The following DLG2 variants were observed in gnomAD, a reference collection of about 807,000 sequenced individuals.
The protein encoded by DLG2 is discs large MAGUK scaffold protein 2.
Under a neutral mutation model 132.5 loss-of-function variants are expected in DLG2, and 45 were observed. That is an observed-to-expected ratio of 0.34 (90% confidence interval 0.27 to 0.44). The LOEUF is 0.44. DLG2 is among the 20% of genes least tolerant of loss of function. The probability of loss-of-function intolerance (pLI) is 1.00; values close to 1 mark genes in which losing one functional copy is unlikely to be tolerated. For missense variants in DLG2, 1,045 were observed against 1,196.9 expected (o/e 0.87, Z 1.87); for synonymous variants, 424 against 419.6 (o/e 1.01, Z -0.13).
At chr11:84,414,279 A>G (rs923531387) in intron 7 of DLG2, among the ~76,000 whole-genome samples, 5 of 152,194 alleles carry the variant, frequency 3.3e-5, no homozygotes, top group African/African-American at 1.2e-4. Context: ...AATCATTATT[A>G]TCAATAAAGT....
chr11:84,950,674 C>T (rs957609707), intron 6 of DLG2, among the ~76,000 whole-genome samples: 4 of 152,006 alleles, frequency 2.6e-5, no homozygotes, highest in Non-Finnish European at 4.4e-5. Flanking sequence ...TTTGCTCTTG[C>T]TCCTTTTCTC....
intron 6 of DLG2, among the ~76,000 whole-genome samples, chr11:84,919,329 A>T (rs1254416284): frequency 6.6e-6 from 1 of 152,192 alleles, no homozygotes; most frequent in Non-Finnish European, 1.5e-5. Context: ...AAGCTATGCA[A>T]TAAATGGGGA....
intron 6 of DLG2, among the ~76,000 whole-genome samples, chr11:84,752,812 T>C (rs1179737477): frequency 1.4e-5 from 2 of 143,898 alleles, no homozygotes; most frequent in Admixed American, 7.3e-5. Context: ...AGTGAGAATA[T>C]GCGGTGTTTG....
chr11:84,136,032 C>G (rs1216789823), intron 9 of DLG2, among the ~76,000 whole-genome samples: 1 of 152,008 alleles, frequency 6.6e-6, no homozygotes, highest in African/African-American at 2.4e-5. Flanking sequence ...TAGACGCAAA[C>G]AGTGAGGGTT....
At chr11:85,405,115 G>A (rs964917295) in intron 3 of DLG2, among the ~76,000 whole-genome samples, 2 of 151,928 alleles carry the variant, frequency 1.3e-5, no homozygotes, top group African/African-American at 2.4e-5. Context: ...TGAATACCCA[G>A]CAAGGCATGT....
intron 18 of DLG2, among the ~76,000 whole-genome samples, chr11:83,764,680 G>C (rs1268743850): frequency 6.6e-6 from 1 of 152,184 alleles, no homozygotes; most frequent in Non-Finnish European, 1.5e-5. Flanking sequence ...GATACACCAA[G>C]AGGTGAAGTG....
At chr11:85,312,930 G>A (rs917486858) in intron 3 of DLG2, among the ~76,000 whole-genome samples, 1 of 151,852 alleles carries the variant, frequency 6.6e-6, no homozygotes, top group African/African-American at 2.4e-5. Flanking sequence ...ACACTCTTTA[G>A]GAACTATGGC....
At chr11:84,318,663 G>T (rs10501557) in intron 7 of DLG2, among the ~76,000 whole-genome samples, 10,228 of 152,190 alleles carry the variant, frequency 0.067, 605 homozygotes, top group East Asian at 0.18. Flanking sequence ...GATCTTCTTT[G>T]TCCATGTATC....
At chr11:84,302,400 T>C (rs1277668626) in intron 7 of DLG2, among the ~76,000 whole-genome samples, 1 of 152,126 alleles carries the variant, frequency 6.6e-6, no homozygotes, top group Non-Finnish European at 1.5e-5. Context: ...GTTCACAATA[T>C]GATGTTAATT....
intron 3 of DLG2, among the ~76,000 whole-genome samples, chr11:85,365,721 G>C (rs1253694585): frequency 2.6e-5 from 4 of 152,144 alleles, no homozygotes; most frequent in Non-Finnish European, 4.4e-5. Context: ...AAGAAAATGT[G>C]GCACATAGAC....
At chr11:84,439,359 G>A (rs540875572) in intron 7 of DLG2, among the ~76,000 whole-genome samples, 59 of 152,228 alleles carry the variant, frequency 3.9e-4, no homozygotes, top group African/African-American at 1.3e-3. Flanking sequence ...AGTGCTCACC[G>A]GATACATAGG....
At chr11:83,568,233 A>C (rs529884312) in intron 19 of DLG2, among the ~76,000 whole-genome samples, 18 of 152,280 alleles carry the variant, frequency 1.2e-4, no homozygotes, top group African/African-American at 4.3e-4. Flanking sequence ...AACAGAGTTA[A>C]GTGAATTATT....
chr11:83,633,650 T>C (rs77707008), intron 18 of DLG2, among the ~76,000 whole-genome samples: 14,608 of 151,668 alleles, frequency 0.096, 948 homozygotes, highest in Middle Eastern at 0.2. Context: ...AAACAGGCAA[T>C]GTAAAGTATC....
chr11:84,135,742 T>C (rs1284150855), intron 9 of DLG2, among the ~76,000 whole-genome samples: 4 of 152,108 alleles, frequency 2.6e-5, no homozygotes, highest in African/African-American at 4.8e-5. Context: ...AGGTCGAACA[T>C]GTAAGGCTTG....
At chr11:85,230,819 T>C (rs915119126) in intron 4 of DLG2, among the ~76,000 whole-genome samples, 14 of 151,932 alleles carry the variant, frequency 9.2e-5, no homozygotes, top group African/African-American at 2.4e-4. Context: ...TCATTCCTTA[T>C]GAATGGAATT....
chr11:85,065,881 T>C (rs1010846316), intron 6 of DLG2, among the ~76,000 whole-genome samples: 1 of 151,216 alleles, frequency 6.6e-6, no homozygotes. Context: ...GATCTCAAAT[T>C]AACGATTTAA....
At chr11:85,583,997 T>A (rs1471793372) in intron 3 of DLG2, among the ~76,000 whole-genome samples, 1 of 152,208 alleles carries the variant, frequency 6.6e-6, no homozygotes, top group Non-Finnish European at 1.5e-5. Context: ...TTTATTTTTT[T>A]CTAATTTTAA....
chr11:83,822,399 C>T (rs555424279), intron 17 of DLG2, among the ~76,000 whole-genome samples: 3 of 152,210 alleles, frequency 2.0e-5, no homozygotes, highest in Admixed American at 6.5e-5. Flanking sequence ...AAATAATCCC[C>T]GATGGTCATT....
chr11:83,706,186 C>T (rs528030702), intron 18 of DLG2, among the ~76,000 whole-genome samples: 1 of 151,072 alleles, frequency 6.6e-6, no homozygotes, highest in Non-Finnish European at 1.5e-5. Flanking sequence ...CCACTGCACT[C>T]CAGCCTGGGT....
Sources: allele counts gnomAD v4.1 joint callset (sites outside exome capture counted in the v4.1 genomes callset), GRCh38; gene constraint gnomAD v4.1.1; transcripts MANE v1.5; gene names NCBI Gene and HGNC (gene_info 2026-07-23, HGNC 2026-07-21).